Variants in LDLRAD3 observed in about 807,000 individuals in gnomAD.
LDLRAD3 encodes the protein low-density lipoprotein receptor class A domain-containing protein 3.
In LDLRAD3, 20 loss-of-function variants were observed where a neutral mutation model predicts 29.4. The observed-to-expected ratio is 0.68, with a 90% CI of 0.48 to 0.99. The LOEUF (loss-of-function observed/expected upper bound fraction) is 0.99. Ranked by LOEUF, LDLRAD3 falls within the 50% of genes least tolerant of loss-of-function variation. The pLI, the probability that LDLRAD3 is intolerant of heterozygous loss-of-function variation, is 0.00. For missense variants in LDLRAD3, 420 were observed against 454.3 expected, an observed-to-expected ratio of 0.92 and a Z score of 0.69; for synonymous variants, 157 against 192.7, an observed-to-expected ratio of 0.81 and a Z score of 1.53.
rs535498711 is a variant in LDLRAD3, at chr11:36,128,576, C to T, written c.454+30115C>T. Among the ~76,000 whole-genome samples the T allele has an allele frequency of 8.5e-5, 13 of 152,252 alleles. No individual in the cohort carries two copies. In the South Asian group the frequency reaches 1.9e-3, roughly 22 times the overall value. ...CAGAAAAACCACTCTAGGCTGGGCA[C>T]GGTGATTCATGCCTGTAATCCCAAC... On this transcript the variant is annotated intron_variant, in intron 4 of 5. Transcript: ENST00000315571.
intron 2 of LDLRAD3, among the ~76,000 whole-genome samples, chr11:36,079,091 C>T (rs1853068197): frequency 6.6e-6 from 1 of 152,226 alleles, no homozygotes; most frequent in Non-Finnish European, 1.5e-5. Flanking sequence ...ACTGCCGCCA[C>T]TGCTGCTCCT....
At position 36,029,843 on chromosome 11, in the gene LDLRAD3, C is replaced by T. The variant is rs190915423; in HGVS notation, c.47-6260C>T. On this transcript the variant is annotated intron_variant, in intron 1 of 5. Coordinates refer to ENST00000315571, the MANE Select transcript of LDLRAD3 (RefSeq NM_174902.4). The stretch of plus-strand genomic sequence containing the variant: ...ATATAGCTATACAAAGTGCAGACAC[C>T]TCATGGCACAGTAGGCAGCTAGGCC... Among the ~76,000 whole-genome samples, 3 of 152,302 alleles carry T rather than the reference C, an allele frequency of 2.0e-5. No homozygotes were observed. The East Asian group carries it at 5.8e-4, about 29-fold the overall frequency.
intron 4 of LDLRAD3, among the ~76,000 whole-genome samples, chr11:36,161,803 G>C (rs1404252380): frequency 6.6e-6 from 1 of 152,190 alleles, no homozygotes; most frequent in East Asian, 1.9e-4. Context: ...AGTTCTTGAG[G>C]ACACAAGCCC....
intron 4 of LDLRAD3, among the ~76,000 whole-genome samples, chr11:36,099,983 C>A (rs918795665): frequency 6.6e-6 from 1 of 151,988 alleles, no homozygotes; most frequent in African/African-American, 2.4e-5. Flanking sequence ...ATCCTCAGTC[C>A]GGGAGCATCA....
intron 3 of LDLRAD3, among the ~76,000 whole-genome samples, chr11:36,083,526 G>A (rs565023428): frequency 4.9e-4 from 75 of 152,194 alleles, no homozygotes; most frequent in African/African-American, 1.8e-3. Context: ...AAAGTAGTCA[G>A]TATAATGGCT....
At chr11:35,984,517 G>A (rs911012396) in intron 1 of LDLRAD3, among the ~76,000 whole-genome samples, 1 of 152,212 alleles carries the variant, frequency 6.6e-6, no homozygotes, top group Non-Finnish European at 1.5e-5. Flanking sequence ...CATCTGTACC[G>A]CTTTGGTTAG....
At chr11:35,967,896 G>T in intron 1 of LDLRAD3, 1 of 391,152 alleles carries the variant, frequency 2.6e-6, no homozygotes, top group African/African-American at 2.1e-5. Context: ...ACCAGGTGGG[G>T]TGATGTCCAA....
intron 2 of LDLRAD3, among the ~76,000 whole-genome samples, chr11:36,071,697 A>G (rs1052176309): frequency 7.9e-5 from 12 of 152,196 alleles, no homozygotes; most frequent in Non-Finnish European, 1.5e-4. Flanking sequence ...GTAATTATTG[A>G]GTAGTCTGTG....
chr11:35,973,663 G>T (rs1414731938), intron 1 of LDLRAD3, among the ~76,000 whole-genome samples: 1 of 151,784 alleles, frequency 6.6e-6, no homozygotes, highest in Admixed American at 6.6e-5. Context: ...TAGAAGTGAG[G>T]TTTCGCCATG....
intron 1 of LDLRAD3, among the ~76,000 whole-genome samples, chr11:35,995,370 A>G (rs1851741087): frequency 6.6e-6 from 1 of 152,232 alleles, no homozygotes; most frequent in Admixed American, 6.5e-5. Flanking sequence ...TTTCCTGAGC[A>G]GTAGGTCTCA....
At chr11:36,207,409 C>A (rs2133378868) in intron 4 of LDLRAD3, among the ~76,000 whole-genome samples, 1 of 152,200 alleles carries the variant, frequency 6.6e-6, no homozygotes, top group Admixed American at 6.5e-5. Flanking sequence ...TGGTTTTTCC[C>A]ACCTATAAAC....
chr11:36,103,579 C>T (rs778828536), intron 4 of LDLRAD3, among the ~76,000 whole-genome samples: 17 of 152,124 alleles, frequency 1.1e-4, no homozygotes, highest in African/African-American at 1.4e-4. Context: ...GTCCTGGACT[C>T]ACTTACTCAG....
intron 4 of LDLRAD3, among the ~76,000 whole-genome samples, chr11:36,172,435 C>A (rs1854611032): frequency 1.3e-5 from 2 of 151,838 alleles, no homozygotes; most frequent in South Asian, 4.2e-4. Flanking sequence ...AACTATTCCC[C>A]ATTTAGTATA....
At chr11:36,125,206 G>A (rs1853817916) in intron 4 of LDLRAD3, among the ~76,000 whole-genome samples, 1 of 152,074 alleles carries the variant, frequency 6.6e-6, no homozygotes. Context: ...GATCATACTT[G>A]TTTCATTCAC....
chr11:35,973,903 A>T (rs571100582), intron 1 of LDLRAD3, among the ~76,000 whole-genome samples: 1 of 152,296 alleles, frequency 6.6e-6, no homozygotes, highest in African/African-American at 2.4e-5. Flanking sequence ...ACACATTTTG[A>T]TCCTAGTCAG....
At chr11:35,982,382 T>TGTACAAAAAA (rs1445807988) in intron 1 of LDLRAD3, among the ~76,000 whole-genome samples, 2,338 of 152,224 alleles carry the variant, frequency 0.015, 62 homozygotes, top group African/African-American at 0.053. Context: ...ATATCCCCTC[T>TGTACAAAAAA]TTATGAGGAC....
At chr11:36,137,800 C>T (rs1005662932) in intron 4 of LDLRAD3, among the ~76,000 whole-genome samples, 9 of 152,172 alleles carry the variant, frequency 5.9e-5, no homozygotes, top group African/African-American at 1.9e-4. Flanking sequence ...CCGTTGCTGC[C>T]GCTCTTCCCT....
chr11:36,229,178 T>C lies in LDLRAD3; in HGVS notation c.819T>C (p.Leu273=), dbSNP rs1433868280. The C allele has an allele frequency of 3.7e-6, 6 of 1,613,828 alleles. No individual in the cohort carries two copies. The African/African-American group carries it at 8.0e-5, about 22-fold the overall frequency. The change falls in exon 6 of 6, where the codon CTT becomes CTC. Residue 273 remains leucine, a synonymous_variant. Coordinates refer to ENST00000315571, the MANE Select transcript of LDLRAD3 (RefSeq NM_174902.4). The part of the protein sequence containing the change: ...LLDQRPAWYD[L]PPPPYSSDTE... Reference sequence around the variant, plus strand: ...ATCACAGGCCTGCGTGGTATGACCTTCCTCCACCGCCCTACTCTTCTGACA... The same window carrying C: ...ATCACAGGCCTGCGTGGTATGACCTCCCTCCACCGCCCTACTCTTCTGACA...
intron 1 of LDLRAD3, among the ~76,000 whole-genome samples, chr11:36,007,942 T>G (rs1703700763): frequency 6.6e-6 from 1 of 152,258 alleles, no homozygotes; most frequent in Middle Eastern, 3.4e-3. Flanking sequence ...TGAAATAAAG[T>G]TTAGGCAGAC....
Sources: gnomAD v4.1 joint callset for allele counts (sites outside exome capture counted in the v4.1 genomes callset) on GRCh38, gnomAD v4.1.1 for gene constraint, MANE v1.5 for transcripts, NCBI Gene and HGNC (gene_info 2026-07-23, HGNC 2026-07-21) for gene names.